Variants in ZSWIM5 observed in about 807,000 individuals in gnomAD.
The protein encoded by ZSWIM5 is zinc finger SWIM-type containing 5, also known as zinc finger SWIM domain-containing protein 5.
ZSWIM5 carries 55 observed loss-of-function variants against 119.6 expected under a neutral mutation model. The ratio of observed to expected loss-of-function variants is 0.46; its 90% CI spans 0.37 to 0.58. The LOEUF (loss-of-function observed/expected upper bound fraction) is 0.58. ZSWIM5 is among the 20% of genes least tolerant of loss of function. The pLI, the probability that ZSWIM5 is intolerant of heterozygous loss-of-function variation, is 0.00. For missense variants in ZSWIM5, 1,193 were observed against 1,512.8 expected, an observed-to-expected ratio of 0.79 and a Z score of 3.51; for synonymous variants, 537 against 606.9, an observed-to-expected ratio of 0.88 and a Z score of 1.69.
At chr1:45,203,755 A>C (rs1443848706) in intron 1 of ZSWIM5, among the ~76,000 whole-genome samples, 2 of 152,110 alleles carry the variant, frequency 1.3e-5, no homozygotes, top group Non-Finnish European at 2.9e-5. Flanking sequence ...GAACTCAAAA[A>C]GATGCAGAAC....
At chr1:45,070,196 T>G (rs982885605) in intron 2 of ZSWIM5, 53 of 1,407,670 alleles carry the variant, frequency 3.8e-5, no homozygotes, top group Non-Finnish European at 2.9e-5. Flanking sequence ...GTCCATTTAC[T>G]TTGTAGGCCA....
intron 1 of ZSWIM5, among the ~76,000 whole-genome samples, chr1:45,178,261 G>C (rs1024227172): frequency 2.0e-5 from 3 of 151,980 alleles, no homozygotes; most frequent in Non-Finnish European, 4.4e-5. Flanking sequence ...CCCTGTCTTT[G>C]CAGAAATGAA....
At chr1:45,191,355 G>C (rs1405123295) in intron 1 of ZSWIM5, among the ~76,000 whole-genome samples, 1 of 152,178 alleles carries the variant, frequency 6.6e-6, no homozygotes, top group East Asian at 1.9e-4. Flanking sequence ...GCTGACAGTT[G>C]GAAGCTGTCT....
chr1:45,036,054 T>C lies in ZSWIM5; in HGVS notation c.2140A>G (p.Ile714Val), dbSNP rs1359824811. Reference protein sequence around the residue: ...ELVQTLQKQCILLLEGGPFSG... With the variant: ...ELVQTLQKQCVLLLEGGPFSG... ...TTCTACTTACCTTCCAGCAGTAAGA[T>C]GCATTGTTTTTGCAGTGTTTGCACT... The change falls in exon 9 of 14, where the codon ATC (isoleucine) becomes GTC (valine). Residue 714 changes from isoleucine to valine, a missense_variant. Physicochemically the swap from Ile to Val is conservative, Grantham distance 29. Around this residue, in one of 2 missense-constraint regions of ZSWIM5, gnomAD observed 961 missense variants for 1,290.0 expected, o/e 0.74. Coordinates refer to ENST00000359600, the MANE Select transcript of ZSWIM5 (RefSeq NM_020883.2). 1 of 1,614,048 alleles carries C rather than the reference T, an allele frequency of 6.2e-7. No homozygotes were observed. The highest frequency in any genetic ancestry group is 1.3e-5 in the African/African-American group (1 of 75,048).
At chr1:45,114,417 A>C (rs1215905355) in intron 1 of ZSWIM5, among the ~76,000 whole-genome samples, 1 of 152,242 alleles carries the variant, frequency 6.6e-6, no homozygotes, top group Non-Finnish European at 1.5e-5. Context: ...AAAAGGATCA[A>C]TAGGAAGAAA....
At chr1:45,116,244 C>T (rs1645557422) in intron 1 of ZSWIM5, among the ~76,000 whole-genome samples, 2 of 152,124 alleles carry the variant, frequency 1.3e-5, no homozygotes, top group Admixed American at 6.5e-5. Context: ...GCTTTCATAA[C>T]TTATAAAATT....
chr1:45,068,251 G>A (rs1476206119), intron 2 of ZSWIM5, among the ~76,000 whole-genome samples: 2 of 151,254 alleles, frequency 1.3e-5, no homozygotes, highest in Non-Finnish European at 2.9e-5. Flanking sequence ...TACAGGTGGT[G>A]CACACTACCA....
chr1:45,046,178 T>C lies in ZSWIM5; in HGVS notation c.1433-2783A>G, dbSNP rs6696754. 5.4e-3 allele frequency among the ~76,000 whole-genome samples: 828 copies of C among 152,274 alleles called. 6 individuals carry two copies. Among genetic ancestry groups the C allele is most frequent in the African/African-American group, 0.019 (776 of 41,558 alleles). On this transcript the variant is annotated intron_variant, in intron 5 of 13. Transcript: ENST00000359600. ...AAGATGAGAGGCCACTGAAGAGCTT[T>C]GAGCTGTGAAGGTATATGATGGGAC...
chr1:45,047,501 T>G (rs1204307602), intron 5 of ZSWIM5, among the ~76,000 whole-genome samples: 1 of 152,206 alleles, frequency 6.6e-6, no homozygotes, highest in Non-Finnish European at 1.5e-5. Context: ...GAGTGTTTTT[T>G]GTTTTGTTTT....
At chr1:45,183,791 T>C (rs1032390356) in intron 1 of ZSWIM5, among the ~76,000 whole-genome samples, 1 of 152,178 alleles carries the variant, frequency 6.6e-6, no homozygotes. Context: ...CAGGACCAGA[T>C]GGATTCACAG....
intron 1 of ZSWIM5, among the ~76,000 whole-genome samples, chr1:45,102,638 AATAAATG>A (rs1228794170): frequency 1.3e-5 from 2 of 152,210 alleles, no homozygotes; most frequent in African/African-American, 4.8e-5. Context: ...TGGATGAATG[AATAAATG>A]AACACTAAAC....
chr1:45,138,419 C>T (rs771566822), intron 1 of ZSWIM5, among the ~76,000 whole-genome samples: 4 of 149,606 alleles, frequency 2.7e-5, no homozygotes, highest in Non-Finnish European at 5.9e-5. Context: ...GCAGGAGAAT[C>T]GCCTGAACCC....
At chr1:45,022,133 TA>T (rs1644891497) in intron 11 of ZSWIM5, among the ~76,000 whole-genome samples, 4 of 148,440 alleles carry the variant, frequency 2.7e-5, no homozygotes, top group African/African-American at 5.3e-5. Context: ...TATTTTATTT[TA>T]TTTTATTTTT....
At chr1:45,056,548 T>C (rs1228339469) in intron 4 of ZSWIM5, among the ~76,000 whole-genome samples, 1 of 150,886 alleles carries the variant, frequency 6.6e-6, no homozygotes, top group Non-Finnish European at 1.5e-5. Context: ...GAGCCAAGAC[T>C]GTGCCACTGC....
At chr1:45,039,378 T>C (rs1352962967) in intron 7 of ZSWIM5, among the ~76,000 whole-genome samples, 1 of 152,130 alleles carries the variant, frequency 6.6e-6, no homozygotes, top group Non-Finnish European at 1.5e-5. Flanking sequence ...CCATGCCCTG[T>C]TAATTTTATT....
At chr1:45,139,925 A>C (rs780546440) in intron 1 of ZSWIM5, among the ~76,000 whole-genome samples, 15 of 151,900 alleles carry the variant, frequency 9.9e-5, no homozygotes, top group Non-Finnish European at 1.8e-4. Context: ...AATGAAGAAC[A>C]CTGGAAACAG....
At chr1:45,022,464 G>T (rs930314021) in intron 11 of ZSWIM5, among the ~76,000 whole-genome samples, 5 of 152,286 alleles carry the variant, frequency 3.3e-5, no homozygotes, top group Non-Finnish European at 7.3e-5. Flanking sequence ...AAGATACATA[G>T]TGTGTGTGCA....
intron 1 of ZSWIM5, among the ~76,000 whole-genome samples, chr1:45,113,044 T>C (rs1398602911): frequency 6.6e-6 from 1 of 152,218 alleles, no homozygotes; most frequent in Admixed American, 6.5e-5. Flanking sequence ...TGGAAAACTG[T>C]AAAGCTCTTA....
intron 1 of ZSWIM5, among the ~76,000 whole-genome samples, chr1:45,120,145 AC>A (rs1645582420): frequency 6.6e-6 from 1 of 152,186 alleles, no homozygotes; most frequent in Admixed American, 6.5e-5. Context: ...GGCATTCTAG[AC>A]TAGCCTGGCC....
Sources: allele counts gnomAD v4.1 joint callset (sites outside exome capture counted in the v4.1 genomes callset), GRCh38; gene constraint gnomAD v4.1.1; regional missense constraint gnomAD v4.1.1; transcripts MANE v1.5; gene names NCBI Gene and HGNC (gene_info 2026-07-23, HGNC 2026-07-21).